Variants in WDCP observed in about 807,000 individuals in gnomAD.
WDCP encodes the protein WD repeat and coiled coil containing, also known as WD repeat and coiled-coil-containing protein.
Under a neutral mutation model 41.6 loss-of-function variants are expected in WDCP, and 19 were observed. That is an observed-to-expected ratio of 0.46 (90% CI 0.32 to 0.67). The LOEUF (loss-of-function observed/expected upper bound fraction) is 0.67, where lower values mean the gene tolerates loss of function less well. Among genes scored for constraint, WDCP ranks in the 30% least tolerant of loss-of-function variants. WDCP has a pLI of 0.04. For synonymous variants in WDCP, 302 were observed against 320.8 expected (o/e 0.94, Z 0.63); for missense variants, 802 against 850.7 (o/e 0.94, Z 0.71).
intron 1 of WDCP, among the ~76,000 whole-genome samples, chr2:24,041,949 T>C (rs980208106): frequency 4.0e-5 from 6 of 151,814 alleles, no homozygotes; most frequent in African/African-American, 1.4e-4. Flanking sequence ...AATACTCACT[T>C]TGAAATATAA....
Position 24,038,950 on chromosome 2 carries a change from T to C in WDCP, c.545A>G (p.Tyr182Cys), listed in dbSNP as rs1663341125. 1.2e-6 allele frequency: 2 copies of C among 1,614,068 alleles called. No homozygotes were observed. The highest frequency in any genetic ancestry group is 1.7e-5 in the Admixed American group (1 of 59,998). ...VVAVGSSLHSYIWDSAQKTLH... is the reference protein window; with the variant it reads ...VVAVGSSLHSCIWDSAQKTLH... The stretch of plus-strand genomic sequence containing the variant: ...AGTCTTCTGAGCGCTGTCCCAAATA[T>C]AAGAATGCAGGCTGCTGCCTACTGC... The change falls in exon 2 of 4, where the codon TAT becomes TGT. Residue 182 changes from tyrosine (Y) to cysteine (C), a missense_variant. Physicochemically the swap from Tyr to Cys is radical, Grantham distance 194 (BLOSUM62 -2). Around this residue, in one of 5 missense-constraint regions of WDCP, gnomAD observed 214 missense variants for 252.9 expected, o/e 0.85. Coordinates refer to ENST00000295148, the MANE Select transcript of WDCP (RefSeq NM_025203.3).
chr2:24,038,243 T>C lies in WDCP; in HGVS notation c.1252A>G (p.Lys418Glu). Residue 418 changes from lysine (K) to glutamate (E), a missense_variant, in exon 2 of 4, where the codon AAG becomes GAG. Around this residue, in one of 5 missense-constraint regions of WDCP, gnomAD observed 247 missense variants for 240.5 expected, o/e 1.03. Coordinates refer to ENST00000295148, the MANE Select transcript of WDCP (RefSeq NM_025203.3). ...AAGCTAATGGCATACTGATCAGACT[T>C]TGAAGAAGGAAGAAATGTTGTATCA... is the stretch of plus-strand genomic sequence containing the variant. The part of the protein sequence containing the change: ...LTDTTFLPSS[K>E]SDQYAISLIV... The C allele has an allele frequency of 6.2e-7, 1 of 1,614,168 alleles. No homozygotes were observed. The highest frequency in any genetic ancestry group is 1.1e-5 in the South Asian group (1 of 91,080).
intron 1 of WDCP, among the ~76,000 whole-genome samples, chr2:24,043,888 TA>T (rs112141110): frequency 6.2e-4 from 91 of 147,142 alleles, no homozygotes; most frequent in South Asian, 8.6e-4. Context: ...ATCTTTCACT[TA>T]AAAAAAAAAA....
chr2:24,044,454 A>G (rs1240533528), intron 1 of WDCP, among the ~76,000 whole-genome samples: 3 of 152,044 alleles, frequency 2.0e-5, no homozygotes, highest in Non-Finnish European at 4.4e-5. Context: ...TTTAGTAGAG[A>G]CTGGGTTTCA....
rs530204637 is a variant in WDCP at position 24,029,861 on chromosome 2, G to A, written c.*1072C>T. ...AAATCTGTGATTCCATCTGAAGGCA[G>A]TGAGAAGTGGTGTTACCATCTGAAG... On this transcript the variant is annotated 3_prime_UTR_variant, in exon 4 of 4. Transcript: ENST00000295148. 4.6e-5 allele frequency: 7 copies of A among 152,542 alleles called. No homozygotes were observed. The highest frequency in any genetic ancestry group is 1.0e-4 in the Non-Finnish European group (7 of 68,044). 9.4% of individuals were successfully genotyped at this position (152,542 alleles called of 1,614,324 possible).
At chr2:24,036,222 G>T (rs1015508853) in intron 2 of WDCP, among the ~76,000 whole-genome samples, 1 of 151,130 alleles carries the variant, frequency 6.6e-6, no homozygotes, top group African/African-American at 2.4e-5. Context: ...ATGTAGGGTT[G>T]GGGCCACATG....
At chr2:24,035,459 G>A (rs1195758076) in intron 2 of WDCP, among the ~76,000 whole-genome samples, 2 of 151,990 alleles carry the variant, frequency 1.3e-5, no homozygotes, top group Non-Finnish European at 2.9e-5. Context: ...AGAGTTCTTG[G>A]TATACAGTTT....
At chr2:24,033,308 T>A in intron 2 of WDCP, 1 of 355,000 alleles carries the variant, frequency 2.8e-6, no homozygotes, top group Admixed American at 3.9e-5. Context: ...ACCTCATGGT[T>A]TATTAGGAAA....
chr2:24,038,043 G>C lies in WDCP; in HGVS notation c.1452C>G (p.Thr484=). 1 of 1,614,088 alleles carries C rather than the reference G, an allele frequency of 6.2e-7. No individual in the cohort carries two copies. The highest frequency in any genetic ancestry group is 8.5e-7 in the Non-Finnish European group (1 of 1,180,012). ...TTCCAGGCCTTCCATTCTGACTACT[G>C]GTATTAACTGTCAGCAACAGCCCTT... ...QNKGLLLTVN[T]SSQNGRPGRT... Residue 484 remains threonine, a synonymous_variant, in exon 2 of 4, where the codon ACC becomes ACG. Transcript: ENST00000295148.
chr2:24,041,651 G>A lies in WDCP; in HGVS notation c.-18-2139C>T, dbSNP rs573760464. On this transcript the variant is annotated intron_variant, in intron 1 of 3. Coordinates refer to ENST00000295148, the MANE Select transcript of WDCP (RefSeq NM_025203.3). ...GCAGATTACCTGAGGTCAGGAGTTC[G>A]AGACCAGCCTGGCCAACATGGTGAA... Among the ~76,000 whole-genome samples the A allele has an allele frequency of 4.6e-5, 7 of 151,548 alleles. No individual in the cohort carries two copies. In the East Asian group the frequency reaches 9.8e-4, roughly 21 times the overall value.
In WDCP at chr2:24,033,125, C is replaced by A; in HGVS notation, c.1819-179G>T. ...ATTTAACACAACTAAAAAATCCGAA[C>A]AAAACAGCCTTATTTTTCCTTTTGT... is the stretch of plus-strand genomic sequence containing the variant. On this transcript the variant is annotated intron_variant, in intron 2 of 3. Coordinates refer to ENST00000295148, the MANE Select transcript of WDCP (RefSeq NM_025203.3). 4 of 693,966 alleles carry A rather than the reference C, an allele frequency of 5.8e-6. No individual in the cohort carries two copies. In the Middle Eastern group the frequency reaches 7.1e-4, roughly 123 times the overall value. 43.0% of individuals were successfully genotyped at this position (693,966 alleles called of 1,614,324 possible).
In WDCP at chr2:24,033,523, T is replaced by G. The variant is rs558136815; in HGVS notation, c.1819-577A>C. ...TGGGAGGCTAAGATGGACAGATCAC[T>G]TGAGCCCAGGAGTTCAAGACCAGCC... is the stretch of plus-strand genomic sequence containing the variant. On this transcript the variant is annotated intron_variant, in intron 2 of 3. Transcript: ENST00000295148. Among the ~76,000 whole-genome samples, 405 of 152,312 alleles carry G rather than the reference T, an allele frequency of 2.7e-3. 2 individuals carry two copies. The highest frequency in any genetic ancestry group is 9.5e-3 in the African/African-American group (395 of 41,570).
intron 1 of WDCP, among the ~76,000 whole-genome samples, chr2:24,041,223 C>T (rs1663420637): frequency 6.6e-6 from 1 of 151,170 alleles, no homozygotes; most frequent in African/African-American, 2.4e-5. Flanking sequence ...CCTGTAATCC[C>T]AGCTACTCAG....
At chr2:24,033,388 C>G (rs1172227858) in intron 2 of WDCP, 1 of 232,610 alleles carries the variant, frequency 4.3e-6, no homozygotes, top group Non-Finnish European at 8.8e-6. Flanking sequence ...AAACCATGGT[C>G]AAAATTCACA....
At chr2:24,033,324 T>A (rs1663152818) in intron 2 of WDCP, 1 of 333,504 alleles carries the variant, frequency 3.0e-6, no homozygotes, top group Non-Finnish European at 6.0e-6. Flanking sequence ...GGAAAAAAAA[T>A]GCCGAGAGAG....
Position 24,039,454 on chromosome 2 carries a change from T to G in WDCP, c.41A>C (p.Asn14Thr). ...GKGKLLRTGL[N>T]ALHQAVHPIH... ...CGGATGCACTGCTTGATGCAACGCA[T>G]TCAGTCCAGTCCTGAGTAGTTTTCC... The change falls in exon 2 of 4, where the codon AAT (asparagine) becomes ACT (threonine). Residue 14 changes from asparagine (N) to threonine (T), a missense_variant. By Grantham distance (65) the Asn-to-Thr change is moderately conservative. Transcript: ENST00000295148. The G allele has an allele frequency of 6.2e-7, 1 of 1,614,260 alleles. No homozygotes were observed. The highest frequency in any genetic ancestry group is 8.5e-7 in the Non-Finnish European group (1 of 1,180,046).
intron 1 of WDCP, among the ~76,000 whole-genome samples, chr2:24,043,491 T>TAAAACAAAAC (rs70944709): frequency 3.3e-5 from 5 of 151,136 alleles, no homozygotes; most frequent in African/African-American, 1.2e-4. Flanking sequence ...TGTCTCTACT[T>TAAAACAAAAC]AAAACAAAAC....
intron 1 of WDCP, among the ~76,000 whole-genome samples, chr2:24,041,560 A>G (rs1663431390): frequency 6.6e-6 from 1 of 152,008 alleles, no homozygotes; most frequent in African/African-American, 2.4e-5. Context: ...CATAGGCATG[A>G]GCCACCCAGC....
In WDCP at chr2:24,037,985, A is replaced by T. The variant is rs748838053; in HGVS notation, c.1510T>A (p.Ser504Thr). 6.2e-7 allele frequency: 1 copy of T among 1,614,182 alleles called. No individual in the cohort carries two copies. Among genetic ancestry groups the T allele is most frequent in the Non-Finnish European group, 8.5e-7 (1 of 1,180,022 alleles). Residue 504 changes from serine to threonine, a missense_variant, in exon 2 of 4, where the codon TCT becomes ACT. Coordinates refer to ENST00000295148, the MANE Select transcript of WDCP (RefSeq NM_025203.3). Reference sequence around the variant, plus strand: ...GCTATGGAGCCATCACAGATACTAGACAGAGGACTCTGGATTTCTTTAATA... The same window carrying T: ...GCTATGGAGCCATCACAGATACTAGTCAGAGGACTCTGGATTTCTTTAATA... ...TLIKEIQSPLSSICDGSIALD... is the reference protein window; with the variant it reads ...TLIKEIQSPLTSICDGSIALD...
Sources: allele counts gnomAD v4.1 joint callset (sites outside exome capture counted in the v4.1 genomes callset), GRCh38; gene constraint gnomAD v4.1.1; regional missense constraint gnomAD v4.1.1; transcripts MANE v1.5; gene names NCBI Gene and HGNC (gene_info 2026-07-23, HGNC 2026-07-21).